The following DYNC2H1 variants were observed in gnomAD, a reference collection of about 807,000 sequenced individuals.
DYNC2H1 encodes the protein cytoplasmic dynein 2 heavy chain 1.
A neutral mutation model predicts 570.0 loss-of-function variants in DYNC2H1; 410 were observed. The observed-to-expected ratio is 0.72, with a 90% CI of 0.66 to 0.78. The LOEUF (loss-of-function observed/expected upper bound fraction) is 0.78, where lower values mean the gene tolerates loss of function less well. DYNC2H1 is among the 30% of genes least tolerant of loss of function. The pLI, the probability that DYNC2H1 is intolerant of heterozygous loss-of-function variation, is 0.00. For synonymous variants in DYNC2H1, 1,688 were observed against 1,677.6 expected, an observed-to-expected ratio of 1.01 and a Z score of -0.15; for missense variants, 4,865 against 5,046.4, an observed-to-expected ratio of 0.96 and a Z score of 1.09.
Position 103,392,713 on chromosome 11 carries a change from AT to A in DYNC2H1, c.12157-6945del, listed in dbSNP as rs199672711. 9.4e-3 allele frequency among the ~76,000 whole-genome samples: 1,430 copies of A among 152,078 alleles called. 20 individuals carry two copies. The highest frequency in any genetic ancestry group is 0.033 in the African/African-American group (1,353 of 41,500). On this transcript the variant is annotated intron_variant, in intron 83 of 88. Transcript: ENST00000375735. ...TTCATGGAAAAATATACATCATTTGATTTTTAGGGGGTATGGAGGCAAAGAT... is the reference window on the plus strand; with the variant it reads ...TTCATGGAAAAATATACATCATTTGATTTTAGGGGGTATGGAGGCAAAGAT...
intron 83 of DYNC2H1, among the ~76,000 whole-genome samples, chr11:103,373,328 T>C (rs1295576257): frequency 6.6e-6 from 1 of 152,212 alleles, no homozygotes; most frequent in African/African-American, 2.4e-5. Flanking sequence ...ATATAGTTGC[T>C]CATAAAAGTC....
At position 103,289,955 on chromosome 11, in the gene DYNC2H1, G is replaced by T. The variant is rs1293186444; in HGVS notation, c.11095+2350G>T. On this transcript the variant is annotated intron_variant, in intron 75 of 88. Coordinates refer to ENST00000375735, the MANE Select transcript of DYNC2H1 (RefSeq NM_001377.3). The surrounding 1 kb of genome is among the most constrained non-coding windows in gnomAD (Gnocchi z 4.2). ...AGTATAATGTGATTATGAAGGCACA[G>T]ATTCAAGTTGTGCAACTGCAAGCCA... Among the ~76,000 whole-genome samples the T allele has an allele frequency of 6.6e-6, 1 of 151,938 alleles. No homozygotes were observed. Among genetic ancestry groups the T allele is most frequent in the Non-Finnish European group, 1.5e-5 (1 of 67,978 alleles).
chr11:103,287,023 G>A (rs1332471809), intron 74 of DYNC2H1, among the ~76,000 whole-genome samples: 3 of 152,156 alleles, frequency 2.0e-5, no homozygotes, highest in Non-Finnish European at 4.4e-5. Context: ...TGAATCAGTA[G>A]TCCCAGCTAC....
chr11:103,211,945 T>G lies in DYNC2H1; in HGVS notation c.8694+2T>G. On this transcript the variant is annotated splice_donor_variant, in intron 54 of 88. Coordinates refer to ENST00000375735, the MANE Select transcript of DYNC2H1 (RefSeq NM_001377.3). LOFTEE classifies it high-confidence loss of function. ...TTAAAAAGACAAAGTCATTTGCAGG[T>G]ATAGTATTGGTAATCTTGAATTATT... 6.6e-7 allele frequency: 1 copy of G among 1,511,652 alleles called. No individual in the cohort carries two copies. The highest frequency in any genetic ancestry group is 1.4e-5 in the African/African-American group (1 of 71,746). The allele number at this position is 1,511,652 out of a possible 1,614,324, so 93.6% of individuals were successfully genotyped here.
At chr11:103,144,886 AT>A (rs774322795) in intron 18 of DYNC2H1, among the ~76,000 whole-genome samples, 3,562 of 144,900 alleles carry the variant, frequency 0.025, 126 homozygotes, top group African/African-American at 0.082. Flanking sequence ...ATAATTAGTT[AT>A]TTTTTTTTTT....
intron 18 of DYNC2H1, among the ~76,000 whole-genome samples, chr11:103,147,531 C>T (rs1181751062): frequency 6.6e-6 from 1 of 151,896 alleles, no homozygotes; most frequent in Admixed American, 6.6e-5. Flanking sequence ...TTTTTTGAAG[C>T]TGATATGCTG....
At chr11:103,242,877 C>T (rs1450125932) in intron 63 of DYNC2H1, among the ~76,000 whole-genome samples, 6 of 152,010 alleles carry the variant, frequency 3.9e-5, no homozygotes, top group African/African-American at 4.8e-5. Flanking sequence ...CCCGCCACCA[C>T]GCCTGGCTAA....
Position 103,173,289 on chromosome 11 carries a change from A to G in DYNC2H1, c.5542A>G (p.Ile1848Val), listed in dbSNP as rs375297253. ...AGTATTGAGCAGAAAATTGGTAGCT[A>G]TTTTCAATCTATCTAGGTGAGTTTT... ...AKVLSRKLVA[I>V]FNLSRELLTP... Residue 1848 changes from isoleucine to valine, a missense_variant, in exon 35 of 89, where the codon ATT becomes GTT. Transcript: ENST00000375735. 6.4e-6 allele frequency: 10 copies of G among 1,570,700 alleles called. No individual in the cohort carries two copies. Among genetic ancestry groups the G allele is most frequent in the Non-Finnish European group, 8.6e-6 (10 of 1,161,340 alleles).
intron 12 of DYNC2H1, among the ~76,000 whole-genome samples, chr11:103,128,491 A>G (rs1859104644): frequency 6.6e-6 from 1 of 152,254 alleles, no homozygotes; most frequent in African/African-American, 2.4e-5. Context: ...GAGAAGCATT[A>G]AGGATATCTC....
rs376682072 is a variant in DYNC2H1 at position 103,257,611 on chromosome 11, C to G, written c.10465C>G (p.Arg3489Gly). The G allele has an allele frequency of 6.2e-7, 1 of 1,609,480 alleles. No individual in the cohort carries two copies. The highest frequency in any genetic ancestry group is 8.5e-7 in the Non-Finnish European group (1 of 1,177,308). ...CTACTGATCTCTTGATCCATAGGAA[C>G]GGGATGCCTATCTCCCCCTGGCTGA... The part of the protein sequence containing the change: ...YKLQISLDQE[R>G]DAYLPLAESA... Residue 3489 changes from arginine (R) to glycine (G), a missense_variant, in exon 69 of 89, where the codon CGG becomes GGG. By Grantham distance (125) the Arg-to-Gly change is moderately radical. Coordinates refer to ENST00000375735, the MANE Select transcript of DYNC2H1 (RefSeq NM_001377.3).
Position 103,133,843 on chromosome 11 carries a change from C to A in DYNC2H1, c.2106+136C>A. 1.1e-6 allele frequency: 1 copy of A among 938,552 alleles called. No individual in the cohort carries two copies. The highest frequency in any genetic ancestry group is 1.5e-6 in the Non-Finnish European group (1 of 659,100). 58.1% of individuals were successfully genotyped at this position (938,552 alleles called of 1,614,324 possible). A position where few individuals can be genotyped will look rare whatever the true frequency, so the allele number is the denominator to read the frequency against. Reference sequence around the variant, plus strand: ...AAAATAGTACAGAGAAATCACAATTCCCATTTGCCCAAATTCCCTGTTGTT... The same window carrying A: ...AAAATAGTACAGAGAAATCACAATTACCATTTGCCCAAATTCCCTGTTGTT... On this transcript the variant is annotated intron_variant, in intron 14 of 88. Coordinates refer to ENST00000375735, the MANE Select transcript of DYNC2H1 (RefSeq NM_001377.3). This position sits in a 1 kb window ranked among gnomAD's most constrained non-coding sequence, Gnocchi z 4.8.
chr11:103,207,498 G>C (rs540810492), intron 52 of DYNC2H1, among the ~76,000 whole-genome samples: 2 of 152,128 alleles, frequency 1.3e-5, no homozygotes, highest in South Asian at 4.1e-4. Flanking sequence ...GGCAGGTATG[G>C]TACTGGGAAG....
intron 69 of DYNC2H1, among the ~76,000 whole-genome samples, chr11:103,259,452 T>C (rs546827073): frequency 3.9e-5 from 6 of 152,206 alleles, no homozygotes; most frequent in Non-Finnish European, 7.4e-5. Flanking sequence ...TTATTCATCC[T>C]GCAGCACATG....
At chr11:103,262,364 T>A (rs1186642092) in intron 70 of DYNC2H1, among the ~76,000 whole-genome samples, 1 of 151,992 alleles carries the variant, frequency 6.6e-6, no homozygotes, top group Non-Finnish European at 1.5e-5. Flanking sequence ...CACAAAGATA[T>A]TCCTTGAGAA....
intron 59 of DYNC2H1, among the ~76,000 whole-genome samples, chr11:103,223,704 A>T (rs1479504054): frequency 1.3e-5 from 2 of 151,220 alleles, no homozygotes; most frequent in African/African-American, 4.9e-5. Flanking sequence ...ATGTTAAAGT[A>T]CGAAAGGAAA....
Position 103,236,507 on chromosome 11 carries a change from C to A in DYNC2H1, c.9787C>A (p.Leu3263Ile). ...WKSEGLPSDDLSIENALVILQ... is the reference protein window; with the variant it reads ...WKSEGLPSDDISIENALVILQ... ...AAGTGAAGGCCTACCATCAGATGAC[C>A]TTTCCATAGAAAATGCTCTTGTAAT... Residue 3263 changes from leucine to isoleucine, a missense_variant, in exon 63 of 89, where the codon CTT becomes ATT. Leu to Ile is a conservative substitution (Grantham distance 5). Transcript: ENST00000375735. 6.2e-7 allele frequency: 1 copy of A among 1,603,740 alleles called. No individual in the cohort carries two copies. Among genetic ancestry groups the A allele is most frequent in the Non-Finnish European group, 8.5e-7 (1 of 1,172,632 alleles).
At chr11:103,456,524 G>T (rs779758983) in intron 87 of DYNC2H1, among the ~76,000 whole-genome samples, 168 bp downstream of exon 87, 41 of 152,088 alleles carry the variant, frequency 2.7e-4, no homozygotes, top group Middle Eastern at 3.2e-3. Context: ...GAAACAACTT[G>T]TAATAGAAAA....
chr11:103,147,444 A>T (rs1382364599), intron 18 of DYNC2H1, among the ~76,000 whole-genome samples: 1 of 152,120 alleles, frequency 6.6e-6, no homozygotes, highest in Non-Finnish European at 1.5e-5. Flanking sequence ...TAGGTGTGTT[A>T]CATGCTGTGA....
chr11:103,405,842 A>G (rs937864079), intron 84 of DYNC2H1: 2 of 151,692 alleles, frequency 1.3e-5, no homozygotes, highest in Non-Finnish European at 2.9e-5. Context: ...AACGTAAGTG[A>G]AAAAAAGGTA....
Sources: allele counts gnomAD v4.1 joint callset (sites outside exome capture counted in the v4.1 genomes callset), GRCh38; gene constraint gnomAD v4.1.1; non-coding constraint Gnocchi (gnomAD v3.1); transcripts MANE v1.5; gene names NCBI Gene and HGNC (gene_info 2026-07-23, HGNC 2026-07-21).